The following TRIOBP variants were observed in gnomAD, a reference collection of about 807,000 sequenced individuals.
The protein encoded by TRIOBP is TRIO and F-actin-binding protein.
A neutral mutation model predicts 238.8 loss-of-function variants in TRIOBP; 169 were observed. The ratio of observed to expected loss-of-function variants is 0.71; its 90% CI spans 0.62 to 0.80. The LOEUF is 0.80. Ranked by LOEUF, TRIOBP falls within the 30% of genes least tolerant of loss-of-function variation. TRIOBP has a pLI of 0.00. For synonymous variants in TRIOBP, 1,150 were observed against 1,274.4 expected (o/e 0.90, Z 2.08); for missense variants, 2,838 against 3,122.6 (o/e 0.91, Z 2.17).
At chr22:37,713,888 C>G (rs1175528096) in intron 5 of TRIOBP, among the ~76,000 whole-genome samples, 1 of 152,206 alleles carries the variant, frequency 6.6e-6, no homozygotes, top group Non-Finnish European at 1.5e-5. Context: ...AGCAGTCTTT[C>G]CTCCAGCATT....
At chr22:37,743,740 A>G (rs947855098) in intron 11 of TRIOBP, among the ~76,000 whole-genome samples, 1 of 151,624 alleles carries the variant, frequency 6.6e-6, no homozygotes, top group Admixed American at 6.6e-5. Context: ...CTGAGACTTC[A>G]AGGAAGAAAT....
At chr22:37,705,578 G>T (rs1601617753) in intron 3 of TRIOBP, among the ~76,000 whole-genome samples, 1 of 151,092 alleles carries the variant, frequency 6.6e-6, no homozygotes, top group Non-Finnish European at 1.5e-5. Flanking sequence ...TTTCTGTTTT[G>T]TTTTTGTTTT....
Position 37,774,180 on chromosome 22 carries a change from C to G in TRIOBP, c.*400C>G, listed in dbSNP as rs968587226. 1 of 152,452 alleles carries G rather than the reference C, an allele frequency of 6.6e-6. No homozygotes were observed. The highest frequency in any genetic ancestry group is 1.5e-5 in the Non-Finnish European group (1 of 68,032). 9.4% of individuals were successfully genotyped at this position (152,452 alleles called of 1,614,324 possible). A position where few individuals can be genotyped will look rare whatever the true frequency, so the allele number is the denominator to read the frequency against. On this transcript the variant is annotated 3_prime_UTR_variant, in exon 24 of 24. Coordinates refer to ENST00000644935, the MANE Select transcript of TRIOBP (RefSeq NM_001039141.3). The stretch of plus-strand genomic sequence containing the variant: ...CTGTGTGCCTCCAACCCTGGTCCCC[C>G]TCTGTCTCCAGCCACCCTCTGCTTG...
chr22:37,704,189 C>A (rs1376427806), intron 3 of TRIOBP, among the ~76,000 whole-genome samples: 1 of 151,964 alleles, frequency 6.6e-6, no homozygotes, highest in Non-Finnish European at 1.5e-5. Context: ...TTGAGACCAT[C>A]CTGGCAACAT....
chr22:37,751,871 G>A (rs750592729), intron 12 of TRIOBP, 43 bp downstream of exon 12: 1 of 1,611,506 alleles, frequency 6.2e-7, no homozygotes, highest in African/African-American at 1.3e-5. Flanking sequence ...GGCTTGTGCT[G>A]CTGCTGGGCC....
chr22:37,698,335 T>C (rs1299830197), intron 2 of TRIOBP, among the ~76,000 whole-genome samples: 1 of 140,380 alleles, frequency 7.1e-6, no homozygotes, highest in Non-Finnish European at 1.5e-5. Flanking sequence ...AAAACCAGCC[T>C]GGGTAACACT....
At chr22:37,733,566 A>AC (rs1238423380) in intron 8 of TRIOBP, among the ~76,000 whole-genome samples, 154 bp downstream of exon 8, 3 of 151,970 alleles carry the variant, frequency 2.0e-5, no homozygotes, top group African/African-American at 7.3e-5. Context: ...CCTCTCCCCA[A>AC]CGGCCAGCAG....
intron 11 of TRIOBP, among the ~76,000 whole-genome samples, chr22:37,747,860 G>A (rs918127774): frequency 3.9e-5 from 6 of 152,232 alleles, no homozygotes; most frequent in South Asian, 4.1e-4. Context: ...ATCCAGGTCC[G>A]TTCCAGCTTT....
chr22:37,746,290 CGCGGCGGCGGGCGGCCGAGAGGGGCGGCG>C lies in TRIOBP; in HGVS notation c.5322+5269_5322+5297del, dbSNP rs1161053125. 6 of 1,084,664 alleles carry C rather than the reference CGCGGCGGCGGGCGGCCGAGAGGGGCGGCG, an allele frequency of 5.5e-6. 1 individual carries two copies. Among genetic ancestry groups the C allele is most frequent in the African/African-American group, 5.1e-5 (3 of 58,668 alleles). The allele number at this position is 1,084,664 out of a possible 1,614,324, so 67.2% of individuals were successfully genotyped here. A position where few individuals can be genotyped will look rare whatever the true frequency, so the allele number is the denominator to read the frequency against. ...CGTCGGGGAAAGGAAGGGCCGGAGG[CGCGGCGGCGGGCGGCCGAGAGGGGCGGCG>C]GCGGCGGCGGCGGCGGGGTTCCCGC... On this transcript the variant is annotated intron_variant, in intron 11 of 23. Transcript: ENST00000644935.
At chr22:37,730,461 G>A (rs995216873) in intron 7 of TRIOBP, among the ~76,000 whole-genome samples, 5 of 152,206 alleles carry the variant, frequency 3.3e-5, no homozygotes, top group African/African-American at 7.2e-5. Flanking sequence ...GAACACACAA[G>A]TGCCTTGCTT....
chr22:37,706,894 T>A (rs1922970273), intron 3 of TRIOBP, among the ~76,000 whole-genome samples: 1 of 152,140 alleles, frequency 6.6e-6, no homozygotes, highest in South Asian at 2.1e-4. Flanking sequence ...GAGGGGTGAC[T>A]GTTGTGTCTC....
chr22:37,725,251 C>G lies in TRIOBP; in HGVS notation c.2695C>G (p.Arg899Gly), dbSNP rs183811513. The change falls in exon 7 of 24, where the codon CGT (arginine) becomes GGT (glycine). Residue 899 changes from arginine (R) to glycine (G), a missense_variant. By Grantham distance (125) the Arg-to-Gly change is moderately radical. This residue lies in a region of TRIOBP where 2,096 missense variants were observed against 2,137.4 expected (regional missense o/e 0.98). Coordinates refer to ENST00000644935, the MANE Select transcript of TRIOBP (RefSeq NM_001039141.3). ...WNNPRNSSPH[R>G]TNKDIPWASF... is the part of the protein sequence containing the mutation. ...CAATCCCAGGAATTCATCTCCCCAT[C>G]GTACTAACAAAGACATCCCCTGGGC... The G allele has an allele frequency of 1.2e-5, 20 of 1,614,050 alleles. No homozygotes were observed. The African/African-American group carries it at 2.1e-4, about 17-fold the overall frequency.
chr22:37,704,208 C>T (rs1302730163), intron 3 of TRIOBP, among the ~76,000 whole-genome samples: 21 of 151,986 alleles, frequency 1.4e-4, no homozygotes, highest in Admixed American at 1.4e-3. Flanking sequence ...ATGGCAAAAC[C>T]CCATCTCTAC....
In TRIOBP at chr22:37,722,295, G is replaced by T. The variant is rs200913765; in HGVS notation, c.629-890G>T. Among the ~76,000 whole-genome samples the T allele has an allele frequency of 5.9e-5, 9 of 152,308 alleles. No individual in the cohort carries two copies. The East Asian group carries it at 1.7e-3, about 29-fold the overall frequency. ...ACACAAAAATGAGCTGGGCATAGTG[G>T]TGCATGCCTGTAATCCCAACTACTT... On this transcript the variant is annotated intron_variant, in intron 6 of 23. Coordinates refer to ENST00000644935, the MANE Select transcript of TRIOBP (RefSeq NM_001039141.3).
At chr22:37,743,894 G>A (rs2145851794) in intron 11 of TRIOBP, among the ~76,000 whole-genome samples, 1 of 148,162 alleles carries the variant, frequency 6.7e-6, no homozygotes, top group African/African-American at 2.5e-5. Flanking sequence ...TGTGTGCTGG[G>A]GTACAGAAGA....
intron 9 of TRIOBP, among the ~76,000 whole-genome samples, chr22:37,738,209 T>G (rs898080167): frequency 7.2e-5 from 11 of 152,166 alleles, no homozygotes; most frequent in Non-Finnish European, 1.0e-4. Flanking sequence ...GATGGATGGA[T>G]AGCTGGGTGA....
chr22:37,735,466 A>G (rs1288269605), intron 9 of TRIOBP, 24 bp downstream of exon 9: 2 of 1,546,586 alleles, frequency 1.3e-6, no homozygotes, highest in Non-Finnish European at 8.7e-7. Flanking sequence ...CACCCTCCCA[A>G]GGGTAGCCAG....
rs370324272 is a variant in TRIOBP, at chr22:37,703,751, C to T, written c.114+2272C>T. ...GATCTTCCTGACCTCGTTATTCGCC[C>T]ACCTCGACCTCCCAAAGTGCTGGGA... On this transcript the variant is annotated intron_variant, in intron 3 of 23. Coordinates refer to ENST00000644935, the MANE Select transcript of TRIOBP (RefSeq NM_001039141.3). 2.3e-4 allele frequency among the ~76,000 whole-genome samples: 34 copies of T among 151,010 alleles called. No individual in the cohort carries two copies. The South Asian group carries it at 3.4e-3, about 15-fold the overall frequency.
Position 37,726,226 on chromosome 22 carries a change from C to A in TRIOBP, c.3670C>A (p.Pro1224Thr), listed in dbSNP as rs533989683. The A allele has an allele frequency of 6.2e-7, 1 of 1,604,948 alleles. No homozygotes were observed. Among genetic ancestry groups the A allele is most frequent in the South Asian group, 1.1e-5 (1 of 89,808 alleles). ...PQVCIGHRDA[P>T]RASSPPRHPP... ...AGTGTGCATCGGGCACCGGGATGCACCCCGAGCCTCCTCCCCACCCCGCCA... is the reference window on the plus strand; with the variant it reads ...AGTGTGCATCGGGCACCGGGATGCAACCCGAGCCTCCTCCCCACCCCGCCA... The change falls in exon 7 of 24, where the codon CCC becomes ACC. Residue 1224 changes from proline (P) to threonine (T), a missense_variant. Physicochemically the swap from Pro to Thr is conservative, Grantham distance 38 (BLOSUM62 -1). Coordinates refer to ENST00000644935, the MANE Select transcript of TRIOBP (RefSeq NM_001039141.3).
Sources: gnomAD v4.1 joint callset for allele counts (sites outside exome capture counted in the v4.1 genomes callset) on GRCh38, gnomAD v4.1.1 for gene constraint, gnomAD v4.1.1 regional missense constraint, MANE v1.5 for transcripts, NCBI Gene and HGNC (gene_info 2026-07-23, HGNC 2026-07-21) for gene names.